LRP1B: variants seen among roughly 807,000 people sequenced by gnomAD.
The protein encoded by LRP1B is low-density lipoprotein receptor-related protein 1B.
LRP1B carries 217 observed loss-of-function variants against 556.6 expected under a neutral mutation model. That is an observed-to-expected ratio of 0.39 (90% confidence interval 0.35 to 0.44). The LOEUF is 0.44. LRP1B is among the 20% of genes least tolerant of loss of function. The pLI, the probability that LRP1B is intolerant of heterozygous loss-of-function variation, is 1.00. For missense variants in LRP1B, 5,053 were observed against 5,620.8 expected (o/e 0.90, Z 3.23); for synonymous variants, 2,047 against 1,865.8 (o/e 1.10, Z -2.50).
chr2:140,763,147 C>T (rs1045368484), intron 35 of LRP1B, among the ~76,000 whole-genome samples: 6 of 151,966 alleles, frequency 3.9e-5, no homozygotes, highest in African/African-American at 1.4e-4. Flanking sequence ...TGGATGTTGC[C>T]GGTGGGTTAA....
At chr2:140,522,406 C>A (rs962541401) in intron 49 of LRP1B, among the ~76,000 whole-genome samples, 1 of 151,816 alleles carries the variant, frequency 6.6e-6, no homozygotes, top group African/African-American at 2.4e-5. Context: ...ATACCAAAAT[C>A]TCTGAGATGT....
Position 140,908,517 on chromosome 2 carries a change from G to A in LRP1B, c.3320-440C>T, listed in dbSNP as rs1694327181. On this transcript the variant is annotated intron_variant, in intron 21 of 90. Transcript: ENST00000389484. ...ATTTAGGTGAATGCTATCGGTGCCT[G>A]TCAGAAACTCAAATTCAGGTAAATG... Among the ~76,000 whole-genome samples the A allele has an allele frequency of 2.0e-5, 3 of 151,668 alleles. No individual in the cohort carries two copies. In the South Asian group the frequency reaches 6.2e-4, roughly 32 times the overall value.
At chr2:140,296,845 A>T (rs1683624653) in intron 84 of LRP1B, among the ~76,000 whole-genome samples, 1 of 152,192 alleles carries the variant, frequency 6.6e-6, no homozygotes, top group Non-Finnish European at 1.5e-5. Flanking sequence ...AAAACCTGAC[A>T]GAGGTGGGAT....
At chr2:140,748,499 T>A (rs1688426875) in intron 35 of LRP1B, among the ~76,000 whole-genome samples, 1 of 109,912 alleles carries the variant, frequency 9.1e-6, no homozygotes, top group Non-Finnish European at 1.8e-5. Flanking sequence ...TAATACTGTG[T>A]TAACAGCTCT....
intron 7 of LRP1B, among the ~76,000 whole-genome samples, chr2:141,136,038 T>C (rs73962821): frequency 0.086 from 13,003 of 151,964 alleles, 965 homozygotes; most frequent in African/African-American, 0.2. Context: ...TAATTGTTAC[T>C]GATAAATAGA....
chr2:142,102,184 T>C (rs1706589699), intron 1 of LRP1B, among the ~76,000 whole-genome samples: 1 of 151,968 alleles, frequency 6.6e-6, no homozygotes, highest in African/African-American at 2.4e-5. Context: ...AAATGCATTT[T>C]AAAGTCTAAA....
chr2:140,508,346 A>C (rs1689508014), intron 52 of LRP1B, among the ~76,000 whole-genome samples: 1 of 152,054 alleles, frequency 6.6e-6, no homozygotes, highest in Non-Finnish European at 1.5e-5. Flanking sequence ...TATACACATC[A>C]CTTTAACACT....
intron 1 of LRP1B, among the ~76,000 whole-genome samples, chr2:142,031,330 A>ATCTTTTTTTTTTTTTT (rs1553506158): frequency 8.5e-6 from 1 of 117,050 alleles, no homozygotes; most frequent in African/African-American, 2.9e-5. Context: ...GATTATACTT[A>ATCTTTTTTTTTTTTTT]TTTTTTTTTT....
intron 60 of LRP1B, among the ~76,000 whole-genome samples, chr2:140,467,476 G>A (rs948831935): frequency 1.3e-5 from 2 of 151,804 alleles, no homozygotes; most frequent in African/African-American, 2.4e-5. Flanking sequence ...GCTGGGCCTG[G>A]TGGCAGGTGC....
intron 1 of LRP1B, among the ~76,000 whole-genome samples, chr2:142,057,325 C>T (rs1265596690): frequency 6.6e-6 from 1 of 152,114 alleles, no homozygotes; most frequent in Non-Finnish European, 1.5e-5. Context: ...GATCAGAGAT[C>T]AGGGCCATGA....
chr2:140,807,207 T>C (rs1258071815), intron 32 of LRP1B, among the ~76,000 whole-genome samples: 2 of 152,168 alleles, frequency 1.3e-5, no homozygotes, highest in Non-Finnish European at 2.9e-5. Flanking sequence ...AACTGAATAC[T>C]AGGTAATCAA....
At chr2:141,711,952 GACACACACACAC>G (rs3039230) in intron 2 of LRP1B, among the ~76,000 whole-genome samples, 11 of 148,392 alleles carry the variant, frequency 7.4e-5, no homozygotes, top group Non-Finnish European at 1.2e-4. Context: ...AACACACACA[GACACACACACAC>G]ACACACACAC....
At chr2:141,571,420 G>T in intron 2 of LRP1B, among the ~76,000 whole-genome samples, 1 of 139,360 alleles carries the variant, frequency 7.2e-6, no homozygotes, top group Admixed American at 7.0e-5. Flanking sequence ...CTCATCCAAG[G>T]GTCAGCATGG....
intron 3 of LRP1B, among the ~76,000 whole-genome samples, chr2:141,302,941 G>T (rs923617060): frequency 6.6e-6 from 1 of 151,932 alleles, no homozygotes; most frequent in Admixed American, 6.6e-5. Flanking sequence ...ATTGAAGAAG[G>T]ATAAAGAGGA....
At chr2:141,802,108 G>A (rs1696026607) in intron 2 of LRP1B, among the ~76,000 whole-genome samples, 1 of 152,116 alleles carries the variant, frequency 6.6e-6, no homozygotes, top group South Asian at 2.1e-4. Flanking sequence ...ATTCTAAGAT[G>A]AGTATTTTGT....
intron 1 of LRP1B, among the ~76,000 whole-genome samples, chr2:142,021,306 G>A (rs888173645): frequency 6.6e-6 from 1 of 151,038 alleles, no homozygotes; most frequent in Non-Finnish European, 1.5e-5. Flanking sequence ...ATCTTCCTCT[G>A]TGTGTGTATG....
intron 10 of LRP1B, among the ~76,000 whole-genome samples, chr2:141,052,443 A>G (rs183890849): frequency 1.4e-5 from 2 of 139,890 alleles, no homozygotes; most frequent in African/African-American, 5.3e-5. Context: ...TGGCAGCATA[A>G]TATTTCCTAC....
chr2:141,939,171 G>T (rs1347720771), intron 1 of LRP1B, among the ~76,000 whole-genome samples: 1 of 151,784 alleles, frequency 6.6e-6, no homozygotes, highest in Non-Finnish European at 1.5e-5. Flanking sequence ...TGAGGAGATG[G>T]TTATGTTAAT....
chr2:140,501,769 C>G lies in LRP1B; in HGVS notation c.8768G>C (p.Arg2923Thr), dbSNP rs77813209. Residue 2923 changes from arginine to threonine, a missense_variant, in exon 55 of 91, where the codon AGA (arginine) becomes ACA (threonine). Physicochemically the swap from Arg to Thr is moderately conservative, Grantham distance 71. Coordinates refer to ENST00000389484, the MANE Select transcript of LRP1B (RefSeq NM_018557.3). ...CAAACATTCATTTATATGGCAGTTT[C>G]TCTCATCTGAACCATCGCCACAGTC... Reference protein sequence around the residue: ...KDDCGDGSDERNCHINECLSK... With the variant: ...KDDCGDGSDETNCHINECLSK... 1 of 1,612,858 alleles carries G rather than the reference C, an allele frequency of 6.2e-7. No individual in the cohort carries two copies. Among genetic ancestry groups the G allele is most frequent in the East Asian group, 2.2e-5 (1 of 44,830 alleles).
Sources: gnomAD v4.1 joint callset for allele counts (sites outside exome capture counted in the v4.1 genomes callset) on GRCh38, gnomAD v4.1.1 for gene constraint, MANE v1.5 for transcripts, NCBI Gene and HGNC (gene_info 2026-07-23, HGNC 2026-07-21) for gene names.